FHAD1: variants seen among roughly 807,000 people sequenced by gnomAD.
FHAD1 encodes forkhead-associated domain-containing protein 1.
FHAD1 carries 146 observed loss-of-function variants against 191.3 expected under a neutral mutation model. The observed-to-expected ratio is 0.76, with a 90% CI of 0.67 to 0.88. The LOEUF is 0.88. FHAD1 is among the 40% of genes least tolerant of loss of function. The pLI is 0.00. For synonymous variants in FHAD1, 616 were observed against 672.3 expected, an observed-to-expected ratio of 0.92 and a Z score of 1.29; for missense variants, 1,635 against 1,785.8, an observed-to-expected ratio of 0.92 and a Z score of 1.52.
intron 33 of FHAD1, among the ~76,000 whole-genome samples, chr1:15,392,481 G>A (rs892445617): frequency 7.2e-5 from 11 of 152,128 alleles, no homozygotes; most frequent in Middle Eastern, 3.4e-3. Context: ...GCAGTGAGCC[G>A]AGATTGCGCC....
At chr1:15,370,620 G>A (rs533682482) in intron 26 of FHAD1, among the ~76,000 whole-genome samples, 1 of 152,320 alleles carries the variant, frequency 6.6e-6, no homozygotes, top group Non-Finnish European at 1.5e-5. Context: ...CCATGCACCT[G>A]CCCAGAAGCA....
At chr1:15,306,072 GCCT>G (rs1330904933) in intron 6 of FHAD1, among the ~76,000 whole-genome samples, 2 of 152,226 alleles carry the variant, frequency 1.3e-5, no homozygotes, top group Non-Finnish European at 2.9e-5. Flanking sequence ...TTGACAAAAA[GCCT>G]GATAGCGATA....
chr1:15,278,630 T>C (rs1035584905), intron 3 of FHAD1, among the ~76,000 whole-genome samples: 2 of 152,092 alleles, frequency 1.3e-5, no homozygotes, highest in African/African-American at 4.8e-5. Flanking sequence ...TGTGCCACCA[T>C]GCCCAGCTAA....
chr1:15,338,859 G>C (rs752259092), intron 14 of FHAD1, among the ~76,000 whole-genome samples: 42 of 152,078 alleles, frequency 2.8e-4, no homozygotes, highest in Non-Finnish European at 5.3e-4. Flanking sequence ...GGACTGAACT[G>C]TAAGCCCCTG....
downstream of FHAD1, among the ~76,000 whole-genome samples, chr1:15,401,421 G>A (rs1009366082): frequency 2.0e-5 from 3 of 152,142 alleles, no homozygotes; most frequent in African/African-American, 7.2e-5. Context: ...GTACAGTGAG[G>A]TACCTGTATA....
At chr1:15,295,776 A>G (rs1035828986) in intron 4 of FHAD1, among the ~76,000 whole-genome samples, 3 of 152,258 alleles carry the variant, frequency 2.0e-5, no homozygotes, top group African/African-American at 7.2e-5. Context: ...AGAACCAGAC[A>G]TAAATAAGGC....
Position 15,389,447 on chromosome 1 carries a change from CAAA to C in FHAD1, c.4269+1335_4269+1337del, listed in dbSNP as rs570569622. ...TGAGCAACAGAGGAAGAACCTGTCT[CAAA>C]AAAAAAAAAAAAAAAAAACCTGCTG... On this transcript the variant is annotated intron_variant, in intron 32 of 33. Coordinates refer to ENST00000688493, the MANE Select transcript of FHAD1 (RefSeq NM_001391957.1). Among the ~76,000 whole-genome samples, 444 of 54,212 alleles carry C rather than the reference CAAA, an allele frequency of 8.2e-3. 14 individuals carry two copies. Among genetic ancestry groups the C allele is most frequent in the African/African-American group, 0.033 (421 of 12,900 alleles). The allele number at this position is 54,212 out of a possible 152,430, so 35.6% of individuals were successfully genotyped here. A position where few individuals can be genotyped will look rare whatever the true frequency, so the allele number is the denominator to read the frequency against.
intron 20 of FHAD1, among the ~76,000 whole-genome samples, chr1:15,354,935 G>A (rs865839984): frequency 1.7e-4 from 22 of 126,252 alleles, no homozygotes; most frequent in South Asian, 8.3e-4. Flanking sequence ...TTGGCCGGGC[G>A]CAGTGACTCA....
intron 2 of FHAD1, among the ~76,000 whole-genome samples, chr1:15,263,510 CTTTTT>C (rs771788861): frequency 2.7e-5 from 2 of 75,032 alleles, no homozygotes; most frequent in African/African-American, 9.0e-5. Flanking sequence ...CAGTTTTATT[CTTTTT>C]TTTTTTTTTT....
chr1:15,317,805 C>G lies in FHAD1; in HGVS notation c.1261-19C>G. On this transcript the variant is annotated intron_variant, in intron 9 of 33. Transcript: ENST00000688493. The stretch of plus-strand genomic sequence containing the variant: ...CCTGCCCCCATCAGGGAGGTTCACT[C>G]TTGTTGAAACTTTTTCAGCAAATCC... 1 of 1,540,444 alleles carries G rather than the reference C, an allele frequency of 6.5e-7. No individual in the cohort carries two copies. The highest frequency in any genetic ancestry group is 8.8e-7 in the Non-Finnish European group (1 of 1,136,890).
rs11579362 is a variant in FHAD1 at position 15,335,757 on chromosome 1, T to C, written c.1907-3724T>C. ...TGTAAACAGAAGTATAAGAAAGACT[T>C]GTTCCTTCCCCCAAAGAGCAAAATC... On this transcript the variant is annotated intron_variant, in intron 14 of 33. Coordinates refer to ENST00000688493, the MANE Select transcript of FHAD1 (RefSeq NM_001391957.1). 3.3e-3 allele frequency among the ~76,000 whole-genome samples: 503 copies of C among 152,290 alleles called. 2 individuals are homozygous for C. Among genetic ancestry groups the C allele is most frequent in the African/African-American group, 0.011 (474 of 41,554 alleles).
intron 3 of FHAD1, among the ~76,000 whole-genome samples, chr1:15,280,262 C>G (rs889842922): frequency 6.6e-6 from 1 of 152,208 alleles, no homozygotes; most frequent in East Asian, 1.9e-4. Context: ...GATAGCCAAG[C>G]TTTGTCATCT....
At chr1:15,310,617 G>T (rs912838505) in intron 7 of FHAD1, among the ~76,000 whole-genome samples, 1 of 152,160 alleles carries the variant, frequency 6.6e-6, no homozygotes, top group Non-Finnish European at 1.5e-5. Flanking sequence ...CTGGATCCTT[G>T]TGAGAAACTG....
intron 21 of FHAD1, among the ~76,000 whole-genome samples, chr1:15,359,077 G>A (rs2473361): frequency 0.034 from 5,180 of 152,176 alleles, 258 homozygotes; most frequent in African/African-American, 0.11. Flanking sequence ...AGGCCAGGGC[G>A]CCTGGGGACC....
intron 24 of FHAD1, among the ~76,000 whole-genome samples, chr1:15,367,152 A>T (rs757090636): frequency 6.6e-6 from 1 of 152,156 alleles, no homozygotes. Context: ...TCTTAGTTGC[A>T]TGACCCCAAG....
downstream of FHAD1, among the ~76,000 whole-genome samples, chr1:15,402,512 G>A (rs6429738): frequency 0.15 from 22,565 of 152,130 alleles, 1,768 homozygotes; most frequent in Middle Eastern, 0.22. Flanking sequence ...TAAAGACAGC[G>A]GCATGCAGCA....
At chr1:15,322,917 T>C (rs994630501) in intron 10 of FHAD1, among the ~76,000 whole-genome samples, 1 of 152,192 alleles carries the variant, frequency 6.6e-6, no homozygotes, top group African/African-American at 2.4e-5. Flanking sequence ...CAGTTCCACA[T>C]GGCTAGGGAG....
In FHAD1 at chr1:15,388,722, A is replaced by G. The variant is rs75635079; in HGVS notation, c.4269+591A>G. ...GCAGCCAACGAGAAATGGGAAACCA[A>G]CTTGGTCACAGTTCACAGTGTCCAT... On this transcript the variant is annotated intron_variant, in intron 32 of 33. Transcript: ENST00000688493. Among the ~76,000 whole-genome samples, 514 of 152,252 alleles carry G rather than the reference A, an allele frequency of 3.4e-3. 1 individual carries two copies. Among genetic ancestry groups the G allele is most frequent in the Non-Finnish European group, 4.5e-3 (309 of 68,022 alleles).
chr1:15,347,392 T>C (rs933444313), intron 18 of FHAD1, among the ~76,000 whole-genome samples: 2 of 152,256 alleles, frequency 1.3e-5, no homozygotes, highest in Non-Finnish European at 2.9e-5. Context: ...CTGACAGAAC[T>C]TCTCTGTGGC....
Sources: allele counts gnomAD v4.1 joint callset (sites outside exome capture counted in the v4.1 genomes callset), GRCh38; gene constraint gnomAD v4.1.1; transcripts MANE v1.5; gene names NCBI Gene and HGNC (gene_info 2026-07-23, HGNC 2026-07-21).